The following MACF1 variants were observed in gnomAD, a reference collection of about 807,000 sequenced individuals.
MACF1 encodes the protein microtubule-actin cross-linking factor 1.
Under a neutral mutation model 854.8 loss-of-function variants are expected in MACF1, and 193 were observed. The observed-to-expected ratio is 0.23, with a 90% CI of 0.20 to 0.25. MACF1 has a LOEUF of 0.25. Among genes scored for constraint, MACF1 ranks in the 10% least tolerant of loss-of-function variants. The probability of loss-of-function intolerance (pLI) is 1.00; values close to 1 mark genes in which losing one functional copy is unlikely to be tolerated. For synonymous variants in MACF1, 3,185 were observed against 3,226.7 expected (o/e 0.99, Z 0.44); for missense variants, 7,722 against 8,929.1 (o/e 0.86, Z 5.45).
At position 39,460,622 on chromosome 1, in the gene MACF1, T is replaced by C; in HGVS notation, c.21361-10T>C. ...AATAAATCTTATTGACACTTCTGAT[T>C]TCTGTGTAGTTGAAAGAATTTGCCA... On this transcript the variant is annotated splice_polypyrimidine_tract_variant and intron_variant, in intron 91 of 100. Transcript: ENST00000564288. The surrounding 1 kb of genome is among the most constrained non-coding windows in gnomAD (Gnocchi z 4.1). The C allele has an allele frequency of 6.2e-7, 1 of 1,613,916 alleles. No homozygotes were observed. Among genetic ancestry groups the C allele is most frequent in the Non-Finnish European group, 8.5e-7 (1 of 1,179,776 alleles).
chr1:39,295,855 T>G lies in MACF1; in HGVS notation c.2328T>G (p.His776Gln). ...MKQLCLCVEQ[H>Q]VKENTAYFQF... ...AGCTGTGCCTGTGTGTTGAGCAGCA[T>G]GTGAAAGAGAATACTGCTTATTTTC... is the stretch of plus-strand genomic sequence containing the variant. The change falls in exon 20 of 101, where the codon CAT (histidine) becomes CAG (glutamine). Residue 776 changes from histidine (H) to glutamine (Q), a missense_variant. Physicochemically the swap from His to Gln is conservative, Grantham distance 24 (BLOSUM62 0). This residue lies in a region of MACF1 where 1,137 missense variants were observed against 1,263.0 expected (regional missense o/e 0.90). Transcript: ENST00000564288. 1 of 1,614,138 alleles carries G rather than the reference T, an allele frequency of 6.2e-7. No individual in the cohort carries two copies. Among genetic ancestry groups the G allele is most frequent in the Non-Finnish European group, 8.5e-7 (1 of 1,179,994 alleles).
chr1:39,324,809 G>C, intron 35 of MACF1, 75 bp downstream of exon 35: 1 of 1,134,860 alleles, frequency 8.8e-7, no homozygotes, highest in Non-Finnish European at 1.3e-6. Context: ...GCCATAATGA[G>C]ATTTCAGAAT....
At chr1:39,097,568 A>G (rs1289271756) in intron 2 of MACF1, among the ~76,000 whole-genome samples, 1 of 152,012 alleles carries the variant, frequency 6.6e-6, no homozygotes, top group Non-Finnish European at 1.5e-5. Flanking sequence ...CAAAAAATAC[A>G]AAAATTAGCT....
chr1:39,114,158 G>A (rs565353497), intron 2 of MACF1, among the ~76,000 whole-genome samples: 5 of 145,198 alleles, frequency 3.4e-5, no homozygotes, highest in South Asian at 2.2e-4. Flanking sequence ...AAAGCATATT[G>A]TCTAAAGCTC....
chr1:39,182,766 C>G (rs535592896), intron 2 of MACF1, among the ~76,000 whole-genome samples: 1 of 152,256 alleles, frequency 6.6e-6, no homozygotes, highest in South Asian at 2.1e-4. Flanking sequence ...AAATGGTGCA[C>G]CTGCTTTAGA....
intron 45 of MACF1, 84 bp downstream of exon 45, chr1:39,357,977 A>ATTCT: frequency 7.3e-7 from 1 of 1,377,566 alleles, no homozygotes; most frequent in South Asian, 1.4e-5. Context: ...GCTCAGAATA[A>ATTCT]GAACTCCAGG....
At chr1:39,095,911 G>A (rs1000890215) in intron 2 of MACF1, among the ~76,000 whole-genome samples, 1 of 151,220 alleles carries the variant, frequency 6.6e-6, no homozygotes, top group Non-Finnish European at 1.5e-5. Flanking sequence ...GCTCATGCCT[G>A]TAATCCCAAC....
intron 2 of MACF1, among the ~76,000 whole-genome samples, chr1:39,099,716 G>A (rs1339056449): frequency 6.6e-6 from 1 of 152,114 alleles, no homozygotes; most frequent in Non-Finnish European, 1.5e-5. Context: ...AGTTCAATGA[G>A]GCATCCATTC....
At chr1:39,171,918 G>A (rs897743919) in intron 2 of MACF1, among the ~76,000 whole-genome samples, 10 of 152,212 alleles carry the variant, frequency 6.6e-5, no homozygotes, top group African/African-American at 2.4e-4. Flanking sequence ...GAGCCACCAC[G>A]CCCGGCCCAG....
intron 27 of MACF1, 83 bp from the exon 28 acceptor site, chr1:39,316,307 GA>G (rs1646411250): frequency 9.0e-7 from 1 of 1,112,434 alleles, no homozygotes; most frequent in Non-Finnish European, 1.2e-6. Context: ...TATGTTTTAT[GA>G]ACCTCTCTAT....
Position 39,469,609 on chromosome 1 carries a change from C to G in MACF1, c.21952C>G (p.Pro7318Ala). 2.6e-6 allele frequency: 4 copies of G among 1,550,472 alleles called. No individual in the cohort carries two copies. The highest frequency in any genetic ancestry group is 1.7e-6 in the Non-Finnish European group (2 of 1,146,882). Residue 7318 changes from proline (P) to alanine (A), a missense_variant, in exon 97 of 101, where the codon CCC becomes GCC. By Grantham distance (27) the Pro-to-Ala change is conservative. Coordinates refer to ENST00000564288, the MANE Select transcript of MACF1 (RefSeq NM_001394062.1). ...DSSSSISSQS[P>A]IARGRTNIEL... Reference sequence around the variant, plus strand: ...CAGCTCTTCGATTTCCAGTCAGTCTCCCATAGGTTGGCTTTTAAGCTTTGT... The same window carrying G: ...CAGCTCTTCGATTTCCAGTCAGTCTGCCATAGGTTGGCTTTTAAGCTTTGT...
At chr1:39,434,673 G>A (rs767760231) in intron 69 of MACF1, 41 bp downstream of exon 69, 1 of 1,559,726 alleles carries the variant, frequency 6.4e-7, no homozygotes, top group South Asian at 1.1e-5. Context: ...TTCTAAAATG[G>A]TCTCTATAAT....
intron 58 of MACF1, chr1:39,412,586 C>G: frequency 4.3e-6 from 7 of 1,613,998 alleles, no homozygotes; most frequent in Non-Finnish European, 5.9e-6. Flanking sequence ...AGACTTAATC[C>G]AGATGGAGTG....
At chr1:39,250,295 T>A in intron 3 of MACF1, 192 bp downstream of exon 3, 1 of 386,946 alleles carries the variant, frequency 2.6e-6, no homozygotes, top group Non-Finnish European at 4.6e-6. Flanking sequence ...TTTAAATTGA[T>A]GTATTATATG....
chr1:39,413,869 G>A (rs780134805), intron 58 of MACF1: 2 of 1,609,992 alleles, frequency 1.2e-6, no homozygotes, highest in South Asian at 2.2e-5. Context: ...GGCAGCTTCA[G>A]TGCCCACCCC....
intron 23 of MACF1, among the ~76,000 whole-genome samples, 197 bp from the exon 24 acceptor site, chr1:39,309,373 C>T (rs1646253975): frequency 6.6e-6 from 1 of 151,664 alleles, no homozygotes; most frequent in East Asian, 2.0e-4. Context: ...TCTGTGATTA[C>T]AGGCATGAGC....
At chr1:39,349,000 A>G (rs1647119859) in intron 41 of MACF1, among the ~76,000 whole-genome samples, 1 of 152,216 alleles carries the variant, frequency 6.6e-6, no homozygotes, top group Admixed American at 6.5e-5. Flanking sequence ...AGTCAGCTCA[A>G]TTATTAAGAA....
chr1:39,317,316 C>T lies in MACF1; in HGVS notation c.3691C>T (p.Pro1231Ser), dbSNP rs370839433. The change falls in exon 29 of 101, where the codon CCA becomes TCA. Residue 1231 changes from proline to serine, a missense_variant. Physicochemically the swap from Pro to Ser is moderately conservative, Grantham distance 74. Transcript: ENST00000564288. ...GGCAGAGCAGATGAGTCGTCTGACA[C>T]CAGAGCGAAATCTGGATTTGGAGCG... ...VVAEQMSRLT[P>S]ERNLDLERYQ... 3 of 1,613,942 alleles carry T rather than the reference C, an allele frequency of 1.9e-6. No individual in the cohort carries two copies. The highest frequency in any genetic ancestry group is 2.5e-6 in the Non-Finnish European group (3 of 1,180,024).
At chr1:39,444,203 C>T (rs1283206439) in intron 79 of MACF1, among the ~76,000 whole-genome samples, 2 of 151,850 alleles carry the variant, frequency 1.3e-5, no homozygotes, top group Non-Finnish European at 2.9e-5. Flanking sequence ...GGCGTGGTGG[C>T]GGGCGCCTGT....
Sources: gnomAD v4.1 joint callset for allele counts (sites outside exome capture counted in the v4.1 genomes callset) on GRCh38, gnomAD v4.1.1 for gene constraint, gnomAD v4.1.1 regional missense constraint, Gnocchi (gnomAD v3.1) non-coding constraint, MANE v1.5 for transcripts, NCBI Gene and HGNC (gene_info 2026-07-23, HGNC 2026-07-21) for gene names.